Variants in SLC22A14 observed in about 807,000 individuals in gnomAD.
The protein encoded by SLC22A14 is solute carrier family 22 member 14.
In SLC22A14, 50 loss-of-function variants were observed where a neutral mutation model predicts 53.9. That is an observed-to-expected ratio of 0.93 (90% CI 0.74 to 1.17). The LOEUF is 1.17. Among genes scored for constraint, SLC22A14 ranks in the 50% most tolerant of loss-of-function variants. SLC22A14 has a pLI of 0.00. For synonymous variants in SLC22A14, 312 were observed against 303.0 expected, an observed-to-expected ratio of 1.03 and a Z score of -0.31; for missense variants, 671 against 734.7, an observed-to-expected ratio of 0.91 and a Z score of 1.00.
chr3:38,313,731 A>G lies in SLC22A14; in HGVS notation c.1168A>G (p.Thr390Ala), dbSNP rs962049853. ...TTGCCTCCTGGCTTCATCCAGGTTT[A>G]CCGTCAGTTACACCTATTTTACGTT... ...VTLVMSCVWFTVSYTYFTLSL... is the reference protein window; with the variant it reads ...VTLVMSCVWFAVSYTYFTLSL... Residue 390 changes from threonine (T) to alanine (A), a missense_variant, in exon 8 of 11, where the codon ACC (threonine) becomes GCC (alanine). Thr to Ala is a moderately conservative substitution (Grantham distance 58). Coordinates refer to ENST00000448498, the MANE Select transcript of SLC22A14 (RefSeq NM_001320033.2). The G allele has an allele frequency of 8.2e-6, 13 of 1,584,260 alleles. No individual in the cohort carries two copies. Among genetic ancestry groups the G allele is most frequent in the African/African-American group, 4.3e-5 (3 of 69,558 alleles).
intron 1 of SLC22A14, among the ~76,000 whole-genome samples, chr3:38,291,072 A>G (rs566689311): frequency 1.3e-5 from 2 of 152,262 alleles, no homozygotes; most frequent in South Asian, 4.1e-4. Flanking sequence ...GAGTGTGTAT[A>G]TATATTTACC....
At chr3:38,299,633 G>A (rs1704116885) in intron 1 of SLC22A14, among the ~76,000 whole-genome samples, 2 of 152,220 alleles carry the variant, frequency 1.3e-5, no homozygotes, top group African/African-American at 2.4e-5. Context: ...AGCATTCATA[G>A]CTCATGGCAG....
chr3:38,313,376 C>CT lies in SLC22A14; in HGVS notation c.1066-10dup. The CT allele has an allele frequency of 3.1e-6, 5 of 1,605,796 alleles. No individual in the cohort carries two copies. The highest frequency in any genetic ancestry group is 4.3e-6 in the Non-Finnish European group (5 of 1,172,778). ...TTGGCCCTGCCTCTGACTGGTCCTG[C>CT]TTGTTCTGTAGCTGCAGCTGCCCAG... On this transcript the variant is annotated splice_polypyrimidine_tract_variant and intron_variant, in intron 6 of 10. Coordinates refer to ENST00000448498, the MANE Select transcript of SLC22A14 (RefSeq NM_001320033.2).
chr3:38,283,861 A>G (rs1703728843), intron 1 of SLC22A14, among the ~76,000 whole-genome samples: 2 of 152,164 alleles, frequency 1.3e-5, no homozygotes, highest in African/African-American at 4.8e-5. Context: ...CAATAATAAC[A>G]AAAAACAGAG....
rs1405826152 is a variant in SLC22A14, at chr3:38,316,462, C to T, written c.1671C>T (p.Ser557=). The T allele has an allele frequency of 6.2e-7, 1 of 1,614,046 alleles. No homozygotes were observed. Among genetic ancestry groups the T allele is most frequent in the African/African-American group, 1.3e-5 (1 of 74,930 alleles). The part of the protein sequence containing the change: ...VLAIVAFSLS[S]LLPETRDQPL... ...CCATCGTGGCCTTTTCCCTCTCCTC[C>T]CTGCTGCCGGAAACGCGAGATCAGC... is the stretch of plus-strand genomic sequence containing the variant. The change falls in exon 10 of 11, where the codon TCC becomes TCT. Residue 557 remains serine (S), a synonymous_variant. Transcript: ENST00000448498.
Position 38,306,244 on chromosome 3 carries a change from C to A in SLC22A14, c.218C>A (p.Thr73Asn). 1 of 1,614,210 alleles carries A rather than the reference C, an allele frequency of 6.2e-7. No individual in the cohort carries two copies. Residue 73 changes from threonine (T) to asparagine (N), a missense_variant, in exon 2 of 11, where the codon ACC becomes AAC. Thr to Asn is a moderately conservative substitution (Grantham distance 65, BLOSUM62 0). Coordinates refer to ENST00000448498, the MANE Select transcript of SLC22A14 (RefSeq NM_001320033.2). ...TTCCAGCAGAGGCTAGTAGCCCTCA[C>A]CTTTATCCCCAGCATCATGTCGGCC... ...GTFQQRLVAL[T>N]FIPSIMSAFF...
intron 7 of SLC22A14, 41 bp from the exon 8 acceptor site, chr3:38,313,686 G>GTGTGTGTGTGTGTGCGCGCGCA (rs34730905): frequency 2.0e-5 from 24 of 1,191,242 alleles, no homozygotes; most frequent in African/African-American, 3.2e-5. Context: ...CCGTGTGTGT[G>GTGTGTGTGTGTGTGCGCGCGCA]CGCGCGTGTG....
At chr3:38,297,443 ATTT>A (rs199800505) in intron 1 of SLC22A14, among the ~76,000 whole-genome samples, 1 of 149,006 alleles carries the variant, frequency 6.7e-6, no homozygotes, top group Non-Finnish European at 1.5e-5. Flanking sequence ...TGGTGGTGGG[ATTT>A]TTTTTTTAAT....
In SLC22A14 at chr3:38,317,560, G is replaced by A. The variant is rs373224490; in HGVS notation, c.1734-638G>A. 5.6e-4 allele frequency among the ~76,000 whole-genome samples: 85 copies of A among 152,300 alleles called. 1 individual carries two copies. The highest frequency in any genetic ancestry group is 1.9e-3 in the African/African-American group (77 of 41,556). On this transcript the variant is annotated intron_variant, in intron 10 of 10. Coordinates refer to ENST00000448498, the MANE Select transcript of SLC22A14 (RefSeq NM_001320033.2). ...CCACTGTAGAGAGAGGAAGTTCAGC[G>A]CCGCACGGGAAGAGAGGATAATGGT...
chr3:38,281,187 A>G (rs919615384), upstream of SLC22A14, among the ~76,000 whole-genome samples: 27 of 152,186 alleles, frequency 1.8e-4, no homozygotes, highest in Non-Finnish European at 1.2e-4. Flanking sequence ...TACCAATAAG[A>G]TTGCAGTGCC....
intron 8 of SLC22A14, 97 bp from the exon 9 acceptor site, chr3:38,315,461 G>C: frequency 7.7e-7 from 1 of 1,306,348 alleles, no homozygotes; most frequent in Non-Finnish European, 1.1e-6. Flanking sequence ...GCCTGAGCCT[G>C]CTGGCCAGCT....
intron 1 of SLC22A14, among the ~76,000 whole-genome samples, chr3:38,295,765 CCTCT>C (rs908186054): frequency 1.3e-4 from 20 of 150,530 alleles, no homozygotes; most frequent in African/African-American, 4.6e-4. Flanking sequence ...CTGTCTCTCT[CCTCT>C]CTGTCTGTCT....
At chr3:38,287,766 T>C (rs1054550197) in intron 1 of SLC22A14, among the ~76,000 whole-genome samples, 1 of 152,250 alleles carries the variant, frequency 6.6e-6, no homozygotes, top group African/African-American at 2.4e-5. Flanking sequence ...TTTTGGATTT[T>C]GACTAGAGTT....
chr3:38,304,733 A>T (rs959828091), intron 1 of SLC22A14, among the ~76,000 whole-genome samples: 2 of 152,042 alleles, frequency 1.3e-5, no homozygotes, highest in Non-Finnish European at 2.9e-5. Context: ...TTTCTTTGTC[A>T]TTGGTGTCCT....
chr3:38,281,277 A>C (rs76251048), upstream of SLC22A14, among the ~76,000 whole-genome samples: 1 of 151,874 alleles, frequency 6.6e-6, no homozygotes, highest in African/African-American at 2.4e-5. Flanking sequence ...TCAATACTTC[A>C]TTTTTTTTCA....
intron 1 of SLC22A14, among the ~76,000 whole-genome samples, chr3:38,290,938 C>G (rs1399021866): frequency 6.6e-6 from 1 of 152,150 alleles, no homozygotes; most frequent in Non-Finnish European, 1.5e-5. Flanking sequence ...CTTTAGGTTT[C>G]TGTACAGCCA....
At chr3:38,314,696 T>C (rs1232519501) in intron 8 of SLC22A14, among the ~76,000 whole-genome samples, 1 of 152,198 alleles carries the variant, frequency 6.6e-6, no homozygotes, top group African/African-American at 2.4e-5. Context: ...AGGGCTGGAA[T>C]TGTGTGTGTC....
chr3:38,282,099 C>T (rs1703681268), upstream of SLC22A14, among the ~76,000 whole-genome samples: 1 of 152,152 alleles, frequency 6.6e-6, no homozygotes, highest in African/African-American at 2.4e-5. Flanking sequence ...AGGTGGAGCC[C>T]TCGTGTGGAG....
intron 1 of SLC22A14, among the ~76,000 whole-genome samples, chr3:38,292,921 C>G (rs916927006): frequency 3.3e-5 from 5 of 152,166 alleles, no homozygotes; most frequent in Admixed American, 3.3e-4. Flanking sequence ...TAGTGACTGG[C>G]TGTCCTAGGA....
Sources: allele counts gnomAD v4.1 joint callset (sites outside exome capture counted in the v4.1 genomes callset), GRCh38; gene constraint gnomAD v4.1.1; transcripts MANE v1.5; gene names NCBI Gene and HGNC (gene_info 2026-07-23, HGNC 2026-07-21).